Variants in HLCS observed in about 807,000 individuals in gnomAD.
HLCS encodes the protein holocarboxylase synthetase, also known as biotin--protein ligase.
In HLCS, 53 loss-of-function variants were observed where a neutral mutation model predicts 75.0. The observed-to-expected ratio is 0.71, with a 90% CI of 0.57 to 0.89. HLCS has a LOEUF of 0.89. Among genes scored for constraint, HLCS ranks in the 40% least tolerant of loss-of-function variants. The probability of loss-of-function intolerance (pLI) is 0.00; values close to 1 mark genes in which losing one functional copy is unlikely to be tolerated. For missense variants in HLCS, 966 were observed against 1,074.0 expected, an observed-to-expected ratio of 0.90 and a Z score of 1.41; for synonymous variants, 431 against 428.6, an observed-to-expected ratio of 1.01 and a Z score of -0.07.
Position 36,836,913 on chromosome 21 carries a change from G to A in HLCS, c.1892+59947C>T, listed in dbSNP as rs138645710. On this transcript the variant is annotated intron_variant, in intron 6 of 10. Coordinates refer to ENST00000674895, the MANE Select transcript of HLCS (RefSeq NM_001352514.2). ...TAAAAACTGCACGGCGGCTGGGCAC[G>A]GTGGTTCACGCCTGTAATCCAGCAC... 3.9e-3 allele frequency among the ~76,000 whole-genome samples: 601 copies of A among 152,222 alleles called. 2 individuals are homozygous for A. The highest frequency in any genetic ancestry group is 0.013 in the African/African-American group (551 of 41,532).
At chr21:36,845,352 C>T (rs912195046) in intron 6 of HLCS, among the ~76,000 whole-genome samples, 22 of 152,108 alleles carry the variant, frequency 1.4e-4, no homozygotes, top group Admixed American at 1.0e-3. Context: ...CAGAAACTTC[C>T]GTGCCGCGGC....
At chr21:36,850,673 G>A (rs1384376603) in intron 6 of HLCS, among the ~76,000 whole-genome samples, 1 of 152,176 alleles carries the variant, frequency 6.6e-6, no homozygotes, top group Non-Finnish European at 1.5e-5. Context: ...CCCCAGGGAG[G>A]GTTTTGGACC....
chr21:36,820,368 C>CT (rs1569056627), intron 6 of HLCS, among the ~76,000 whole-genome samples: 1 of 146,750 alleles, frequency 6.8e-6, no homozygotes, highest in East Asian at 1.9e-4. Context: ...TGCCCAGCCA[C>CT]GGCCGGGCCG....
intron 6 of HLCS, among the ~76,000 whole-genome samples, chr21:36,865,120 G>C (rs1601557002): frequency 6.6e-6 from 1 of 152,098 alleles, no homozygotes; most frequent in East Asian, 1.9e-4. Flanking sequence ...GCAGGGTGGG[G>C]TGCGTGGCAG....
chr21:36,919,578 C>A (rs1258327219), intron 5 of HLCS, among the ~76,000 whole-genome samples: 1 of 152,140 alleles, frequency 6.6e-6, no homozygotes, highest in Non-Finnish European at 1.5e-5. Flanking sequence ...AGAGGACATA[C>A]GTGAGATGCT....
intron 6 of HLCS, among the ~76,000 whole-genome samples, chr21:36,805,484 C>A (rs989037112): frequency 2.6e-5 from 4 of 152,208 alleles, no homozygotes; most frequent in Non-Finnish European, 5.9e-5. Context: ...CCTGATTGAA[C>A]GTGGCTGCTA....
intron 6 of HLCS, among the ~76,000 whole-genome samples, chr21:36,803,310 T>A (rs2061264202): frequency 6.6e-6 from 1 of 152,212 alleles, no homozygotes; most frequent in East Asian, 1.9e-4. Flanking sequence ...CCAGCTTCCT[T>A]CTCCATGGTC....
rs74336326 is a variant in HLCS at position 36,982,655 on chromosome 21, A to G, written c.-393+7503T>C. On this transcript the variant is annotated intron_variant, in intron 1 of 11. Coordinates refer to the HLCS transcript ENST00000336648. ...TGATCCAGCTAATTACAGATCCCCTATTGTCCACGTCTAAATTTACGCATT... is the reference window on the plus strand; with the variant it reads ...TGATCCAGCTAATTACAGATCCCCTGTTGTCCACGTCTAAATTTACGCATT... 8.2e-3 allele frequency among the ~76,000 whole-genome samples: 1,245 copies of G among 152,346 alleles called. 11 individuals are homozygous for G. Among genetic ancestry groups the G allele is most frequent in the African/African-American group, 0.029 (1,187 of 41,578 alleles).
At chr21:36,829,918 G>A (rs894124494) in intron 6 of HLCS, among the ~76,000 whole-genome samples, 3 of 152,174 alleles carry the variant, frequency 2.0e-5, no homozygotes, top group Non-Finnish European at 4.4e-5. Context: ...CATGCACAGG[G>A]TTAGAGGCTG....
chr21:36,853,194 AC>A (rs1208551883), intron 6 of HLCS, among the ~76,000 whole-genome samples: 1 of 152,208 alleles, frequency 6.6e-6, no homozygotes, highest in Non-Finnish European at 1.5e-5. Context: ...AAAAAAATCC[AC>A]AGAGCCTCAC....
chr21:36,935,772 A>T (rs1439578612), intron 4 of HLCS, among the ~76,000 whole-genome samples: 2 of 152,256 alleles, frequency 1.3e-5, no homozygotes, highest in Non-Finnish European at 1.5e-5. Context: ...AAAAGGAAAA[A>T]GAAGATGAGC....
At chr21:36,869,375 G>C (rs912754613) in intron 6 of HLCS, among the ~76,000 whole-genome samples, 1 of 152,000 alleles carries the variant, frequency 6.6e-6, no homozygotes, top group Non-Finnish European at 1.5e-5. Flanking sequence ...CTCGTGATCC[G>C]CCCACCTCGG....
In HLCS at chr21:36,966,473, C is replaced by G; in HGVS notation, c.166G>C (p.Gly56Arg). ...PGARVCLSRG[G>R]RVFCVSDSQS... The stretch of plus-strand genomic sequence containing the variant: ...CTGTCGCTGACGCAGAAGACGCGGC[C>G]GCCACGGCTCAGGCACACGCGGGCG... Residue 56 changes from glycine (G) to arginine (R), a missense_variant, in exon 1 of 11, where the codon GGC becomes CGC. Physicochemically the swap from Gly to Arg is moderately radical, Grantham distance 125. Transcript: ENST00000674895. The G allele has an allele frequency of 2.0e-6, 2 of 983,824 alleles. No homozygotes were observed. Among genetic ancestry groups the G allele is most frequent in the Non-Finnish European group, 2.4e-6 (2 of 829,454 alleles). The allele number at this position is 983,824 out of a possible 1,614,324, so 60.9% of individuals were successfully genotyped here.
At chr21:36,897,280 C>A (rs143993094) in intron 5 of HLCS, 149 bp from the exon 6 acceptor site, 5 of 736,056 alleles carry the variant, frequency 6.8e-6, no homozygotes, top group Non-Finnish European at 1.2e-5. Flanking sequence ...TACATCTAAA[C>A]GATTAGACAA....
chr21:36,891,553 T>C (rs1384476178), intron 6 of HLCS, among the ~76,000 whole-genome samples: 1 of 152,168 alleles, frequency 6.6e-6, no homozygotes, highest in Non-Finnish European at 1.5e-5. Context: ...TCACAGGTTC[T>C]CGACTGCTGA....
At chr21:36,963,395 T>A (rs956636050) in intron 1 of HLCS, among the ~76,000 whole-genome samples, 1 of 152,110 alleles carries the variant, frequency 6.6e-6, no homozygotes, top group Non-Finnish European at 1.5e-5. Flanking sequence ...TTGAACTAAA[T>A]AATGAATGAA....
chr21:36,967,911 G>C (rs1352524072), upstream of HLCS, among the ~76,000 whole-genome samples: 1 of 152,164 alleles, frequency 6.6e-6, no homozygotes, highest in Non-Finnish European at 1.5e-5. Context: ...GTAGAGACAG[G>C]GTTTCACCAC....
rs372982617 is a variant in HLCS, at chr21:36,938,811, A to G, written c.493+21T>C. On this transcript the variant is annotated intron_variant, in intron 3 of 10. Transcript: ENST00000674895. ...GAGCCACTATGCCTGGCCAATAAAA[A>G]CATTTTCTAAAGTTACTTACACACA... The G allele has an allele frequency of 1.1e-4, 180 of 1,613,438 alleles. 3 individuals are homozygous for G. The East Asian group carries it at 2.1e-3, about 19-fold the overall frequency.
intron 6 of HLCS, among the ~76,000 whole-genome samples, chr21:36,787,184 T>C (rs568849937): frequency 6.6e-6 from 1 of 152,360 alleles, no homozygotes; most frequent in East Asian, 1.9e-4. Context: ...TGGGTGTCGG[T>C]GTGCCTCAGC....
Sources: allele counts gnomAD v4.1 joint callset (sites outside exome capture counted in the v4.1 genomes callset), GRCh38; gene constraint gnomAD v4.1.1; transcripts MANE v1.5; gene names NCBI Gene and HGNC (gene_info 2026-07-23, HGNC 2026-07-21).